Variants in CD1D observed in about 807,000 individuals in gnomAD.
CD1D encodes the protein CD1d molecule, also known as antigen-presenting glycoprotein CD1d.
A neutral mutation model predicts 42.1 loss-of-function variants in CD1D; 40 were observed. The ratio of observed to expected loss-of-function variants is 0.95; its 90% CI spans 0.74 to 1.24. The LOEUF (loss-of-function observed/expected upper bound fraction) is 1.24, where lower values mean the gene tolerates loss of function less well. Ranked by LOEUF, CD1D falls within the 50% of genes most tolerant of loss-of-function variation. The probability of loss-of-function intolerance (pLI) is 0.00; values close to 1 mark genes in which losing one functional copy is unlikely to be tolerated. For synonymous variants in CD1D, 178 were observed against 171.8 expected (o/e 1.04, Z -0.28); for missense variants, 437 against 416.5 (o/e 1.05, Z -0.43).
Position 158,186,126 on chromosome 1 carries a change from A to G in CD1D, c.*1976A>G, listed in dbSNP as rs1469821894. ...TGCCAAAGGAGGATAATAATTATCT[A>G]TTATTGATTATCTCCTAGACTTGTG... On this transcript the variant is annotated 3_prime_UTR_variant, in exon 6 of 6. Transcript: ENST00000674085. Among the ~76,000 whole-genome samples the G allele has an allele frequency of 6.6e-6, 1 of 152,178 alleles. No homozygotes were observed. Among genetic ancestry groups the G allele is most frequent in the Non-Finnish European group, 1.5e-5 (1 of 68,036 alleles).
chr1:158,180,985 T>G lies in CD1D; in HGVS notation c.-117T>G. 1 of 955,614 alleles carries G rather than the reference T, an allele frequency of 1.0e-6. No individual in the cohort carries two copies. Among genetic ancestry groups the G allele is most frequent in the South Asian group, 2.0e-5 (1 of 50,486 alleles). 59.2% of individuals were successfully genotyped at this position (955,614 alleles called of 1,614,324 possible). A position where few individuals can be genotyped will look rare whatever the true frequency, so the allele number is the denominator to read the frequency against. ...CGAGGAGGGCTGCCGGGGTCTGGGC[T>G]TGGGAATTGGCTGGCACCCAGCGGA... On this transcript the variant is annotated 5_prime_UTR_variant, in exon 1 of 6. Transcript: ENST00000674085.
At chr1:158,182,594 T>C (rs1397996865) in intron 3 of CD1D, among the ~76,000 whole-genome samples, 1 of 152,088 alleles carries the variant, frequency 6.6e-6, no homozygotes, top group Non-Finnish European at 1.5e-5. Flanking sequence ...ATAGGCTACA[T>C]ATGTTACTTC....
intron 3 of CD1D, 104 bp from the exon 4 acceptor site, chr1:158,182,772 AGG>A (rs1248456119): frequency 7.8e-7 from 1 of 1,288,592 alleles, no homozygotes; most frequent in Non-Finnish European, 1.1e-6. Context: ...GCATACAGGA[AGG>A]AGGGAAATAA....
rs1264733068 is a variant in CD1D, at chr1:158,183,959, T to A, written c.910T>A (p.Leu304Met). The change falls in exon 5 of 6, where the codon TTG (leucine) becomes ATG (methionine). Residue 304 changes from leucine (L) to methionine (M), a missense_variant. Coordinates refer to ENST00000674085, the MANE Select transcript of CD1D (RefSeq NM_001371762.2). ...YWGGSYTSMG[L>M]IALAVLACLL... Reference sequence around the variant, plus strand: ...AGGTGGGAGCTACACCTCCATGGGCTTGATTGCCTTGGCAGTCCTGGCGTG... The same window carrying A: ...AGGTGGGAGCTACACCTCCATGGGCATGATTGCCTTGGCAGTCCTGGCGTG... 2 of 1,614,220 alleles carry A rather than the reference T, an allele frequency of 1.2e-6. No individual in the cohort carries two copies.
chr1:158,181,983 T>C (rs1648450695), intron 2 of CD1D, 49 bp from the exon 3 acceptor site: 2 of 1,538,498 alleles, frequency 1.3e-6, no homozygotes, highest in Non-Finnish European at 1.7e-6. Context: ...CTTTCATCTC[T>C]CCCAGTCTTT....
rs934422176 is a variant in CD1D, at chr1:158,182,547, G to A, written c.607+237G>A. The A allele has an allele frequency of 7.9e-5, 48 of 605,322 alleles. No homozygotes were observed. In the South Asian group the frequency reaches 8.4e-4, roughly 11 times the overall value. 37.5% of individuals were successfully genotyped at this position (605,322 alleles called of 1,614,324 possible). The stretch of plus-strand genomic sequence containing the variant: ...TGTCAGGCAGTTAGTTAGGATCCCT[G>A]CTTGGTAGGGGGATGTTAATTAATG... On this transcript the variant is annotated intron_variant, in intron 3 of 5. Coordinates refer to ENST00000674085, the MANE Select transcript of CD1D (RefSeq NM_001371762.2).
At chr1:158,179,808 G>A (rs1048138828), upstream of CD1D, 2 of 152,428 alleles carry the variant, frequency 1.3e-5, no homozygotes, top group Non-Finnish European at 1.5e-5. Flanking sequence ...GTCAGGAAGA[G>A]GTTTTGCATA....
rs770995688 is a variant in CD1D at position 158,181,767 on chromosome 1, A to G, written c.328+46A>G. The G allele has an allele frequency of 3.8e-6, 6 of 1,595,240 alleles. No homozygotes were observed. The African/African-American group carries it at 5.4e-5, about 14-fold the overall frequency. On this transcript the variant is annotated intron_variant, in intron 2 of 5. Coordinates refer to ENST00000674085, the MANE Select transcript of CD1D (RefSeq NM_001371762.2). ...CTGGGCCGGTACCCAAGGGGAGAGA[A>G]TGGCCACAGAAACTCAACTGGGAGA...
In CD1D at chr1:158,181,844, C is replaced by T. The variant is rs562363125; in HGVS notation, c.328+123C>T. 1.2e-5 allele frequency: 17 copies of T among 1,398,000 alleles called. No homozygotes were observed. In the East Asian group the frequency reaches 3.5e-4, roughly 28 times the overall value. 86.6% of individuals were successfully genotyped at this position (1,398,000 alleles called of 1,614,324 possible). A position where few individuals can be genotyped will look rare whatever the true frequency, so the allele number is the denominator to read the frequency against. On this transcript the variant is annotated intron_variant, in intron 2 of 5. Coordinates refer to ENST00000674085, the MANE Select transcript of CD1D (RefSeq NM_001371762.2). The stretch of plus-strand genomic sequence containing the variant: ...TGCTCTGTCCACCCTCTTCTGATTT[C>T]CCTTCTACCTGGAGATGTCCCAGGC...
At chr1:158,182,562 GTTAA>G (rs1648496212) in intron 3 of CD1D, 4 of 599,030 alleles carry the variant, frequency 6.7e-6, no homozygotes, top group Non-Finnish European at 1.2e-5. Flanking sequence ...GTAGGGGGAT[GTTAA>G]TTAATGCAAT....
chr1:158,182,281 A>G lies in CD1D; in HGVS notation c.578A>G (p.Glu193Gly). The change falls in exon 3 of 6, where the codon GAG becomes GGG. Residue 193 changes from glutamate (E) to glycine (G), a missense_variant. Physicochemically the swap from Glu to Gly is moderately conservative, Grantham distance 98 (BLOSUM62 -2). Coordinates refer to ENST00000674085, the MANE Select transcript of CD1D (RefSeq NM_001371762.2). The part of the protein sequence containing the change: ...TCPQFVSGLL[E>G]SGKSELKKQV... ...CCCCAATTTGTCAGTGGCCTCCTTG[A>G]GTCAGGGAAGTCGGAACTGAAGAAG... 1.9e-6 allele frequency: 3 copies of G among 1,614,082 alleles called. No individual in the cohort carries two copies. Among genetic ancestry groups the G allele is most frequent in the Non-Finnish European group, 2.5e-6 (3 of 1,180,012 alleles).
chr1:158,183,945 A>G lies in CD1D; in HGVS notation c.896A>G (p.Tyr299Cys). The G allele has an allele frequency of 6.2e-7, 1 of 1,613,880 alleles. No homozygotes were observed. The highest frequency in any genetic ancestry group is 1.3e-5 in the African/African-American group (1 of 75,040). The change falls in exon 5 of 6, where the codon TAC becomes TGC. Residue 299 changes from tyrosine (Y) to cysteine (C), a missense_variant. Transcript: ENST00000674085. ...TGTTCCTCCAGAGCAGGTGGGAGCT[A>G]CACCTCCATGGGCTTGATTGCCTTG... The part of the protein sequence containing the change: ...QDIVLYWGGS[Y>C]TSMGLIALAV...
In CD1D at chr1:158,184,936, G is replaced by A. The variant is rs1229500982; in HGVS notation, c.*786G>A. 3.3e-5 allele frequency: 5 copies of A among 152,318 alleles called. No individual in the cohort carries two copies. The South Asian group carries it at 8.3e-4, about 25-fold the overall frequency. 9.4% of individuals were successfully genotyped at this position (152,318 alleles called of 1,614,324 possible). A position where few individuals can be genotyped will look rare whatever the true frequency, so the allele number is the denominator to read the frequency against. ...TGTTGAAAAAAACTACTCTGAGTAA[G>A]GATATTTCTCTCAAATGGTCATCAC... On this transcript the variant is annotated 3_prime_UTR_variant, in exon 6 of 6. Coordinates refer to ENST00000674085, the MANE Select transcript of CD1D (RefSeq NM_001371762.2).
rs778353652 is a variant in CD1D at position 158,181,003 on chromosome 1, C to T, written c.-99C>T. 4.1e-5 allele frequency: 47 copies of T among 1,140,684 alleles called. No individual in the cohort carries two copies. The highest frequency in any genetic ancestry group is 5.5e-5 in the Non-Finnish European group (46 of 833,406). The allele number at this position is 1,140,684 out of a possible 1,614,324, so 70.7% of individuals were successfully genotyped here. On this transcript the variant is annotated 5_prime_UTR_variant, in exon 1 of 6. Coordinates refer to ENST00000674085, the MANE Select transcript of CD1D (RefSeq NM_001371762.2). ...TCTGGGCTTGGGAATTGGCTGGCACCCAGCGGAAAGGGACGTGAGCTGAGC... is the reference window on the plus strand; with the variant it reads ...TCTGGGCTTGGGAATTGGCTGGCACTCAGCGGAAAGGGACGTGAGCTGAGC...
In CD1D at chr1:158,185,681, G is replaced by A. The variant is rs1385187183; in HGVS notation, c.*1531G>A. ...TGTAAGGATGACAGAGGGAGACCCT[G>A]TCTTAAAAAAAAATTATGCTAGCTT... On this transcript the variant is annotated 3_prime_UTR_variant, in exon 6 of 6. Transcript: ENST00000674085. 6.6e-6 allele frequency among the ~76,000 whole-genome samples: 1 copy of A among 152,076 alleles called. No homozygotes were observed. Among genetic ancestry groups the A allele is most frequent in the East Asian group, 1.9e-4 (1 of 5,188 alleles).
At chr1:158,179,459 C>CA (rs1648294101), upstream of CD1D, among the ~76,000 whole-genome samples, 1 of 152,172 alleles carries the variant, frequency 6.6e-6, no homozygotes, top group African/African-American at 2.4e-5. Flanking sequence ...TGGGAGGAAT[C>CA]AGATTATGGA....
chr1:158,182,746 A>T lies in CD1D; in HGVS notation c.608-132A>T. The T allele has an allele frequency of 2.8e-6, 3 of 1,081,618 alleles. No individual in the cohort carries two copies. The South Asian group carries it at 4.9e-5, about 18-fold the overall frequency. 67.0% of individuals were successfully genotyped at this position (1,081,618 alleles called of 1,614,324 possible). A position where few individuals can be genotyped will look rare whatever the true frequency, so the allele number is the denominator to read the frequency against. Reference sequence around the variant, plus strand: ...AGTTGTGGGAGACTTCATTTCCAGAAGTGAACATGTCAGGGGCATACAGGA... The same window carrying T: ...AGTTGTGGGAGACTTCATTTCCAGATGTGAACATGTCAGGGGCATACAGGA... On this transcript the variant is annotated intron_variant, in intron 3 of 5. Coordinates refer to ENST00000674085, the MANE Select transcript of CD1D (RefSeq NM_001371762.2).
Position 158,184,001 on chromosome 1 carries a change from A to T in CD1D, c.952A>T (p.Ile318Phe). 1 of 1,614,104 alleles carries T rather than the reference A, an allele frequency of 6.2e-7. No homozygotes were observed. The highest frequency in any genetic ancestry group is 8.5e-7 in the Non-Finnish European group (1 of 1,180,026). ...CCTGGCGTGCTTGCTGTTCCTCCTC[A>T]TTGTGGGCTTTACCTCCCGGTTTAA... ...AVLACLLFLLIVGFTSRFKRQ... is the reference protein window; with the variant it reads ...AVLACLLFLLFVGFTSRFKRQ... The change falls in exon 5 of 6, where the codon ATT (isoleucine) becomes TTT (phenylalanine). Residue 318 changes from isoleucine (I) to phenylalanine (F), a missense_variant. Coordinates refer to ENST00000674085, the MANE Select transcript of CD1D (RefSeq NM_001371762.2).
chr1:158,181,535 G>A lies in CD1D; in HGVS notation c.142G>A (p.Ala48Thr), dbSNP rs769435157. Residue 48 changes from alanine (A) to threonine (T), a missense_variant, in exon 2 of 6, where the codon GCG (alanine) becomes ACG (threonine). Ala to Thr is a moderately conservative substitution (Grantham distance 58). Coordinates refer to ENST00000674085, the MANE Select transcript of CD1D (RefSeq NM_001371762.2). ...NSSWTRTDGL[A>T]WLGELQTHSW... ...CAGCTGGACGCGCACCGACGGCTTG[G>A]CGTGGCTGGGGGAGCTGCAGACGCA... The A allele has an allele frequency of 3.7e-6, 6 of 1,614,154 alleles. No homozygotes were observed. The South Asian group carries it at 5.5e-5, about 15-fold the overall frequency.
Sources: allele counts gnomAD v4.1 joint callset (sites outside exome capture counted in the v4.1 genomes callset), GRCh38; gene constraint gnomAD v4.1.1; transcripts MANE v1.5; gene names NCBI Gene and HGNC (gene_info 2026-07-23, HGNC 2026-07-21).